FNDC3B: variants seen among roughly 807,000 people sequenced by gnomAD.
The protein encoded by FNDC3B is fibronectin type III domain-containing protein 3B.
In FNDC3B, 12 loss-of-function variants were observed where a neutral mutation model predicts 151.5. The ratio of observed to expected loss-of-function variants is 0.08; its 90% CI spans 0.05 to 0.13. The LOEUF is 0.13. Among genes scored for constraint, FNDC3B ranks in the 10% least tolerant of loss-of-function variants. The pLI is 1.00. For synonymous variants in FNDC3B, 528 were observed against 549.0 expected, an observed-to-expected ratio of 0.96 and a Z score of 0.54; for missense variants, 1,214 against 1,505.3, an observed-to-expected ratio of 0.81 and a Z score of 3.20.
chr3:172,344,161 C>T lies in FNDC3B; in HGVS notation c.2153C>T (p.Ser718Leu), dbSNP rs751943156. 13 of 1,614,022 alleles carry T rather than the reference C, an allele frequency of 8.1e-6. No homozygotes were observed. The highest frequency in any genetic ancestry group is 2.2e-5 in the East Asian group (1 of 44,898). ...VEMTEPEDVA[S>L]EVYHGPELEC... ...ATGACGGAGCCCGAAGACGTAGCCTCGGAAGTGTACCATGGCCCAGAGCTG... is the reference window on the plus strand; with the variant it reads ...ATGACGGAGCCCGAAGACGTAGCCTTGGAAGTGTACCATGGCCCAGAGCTG... The change falls in exon 19 of 26, where the codon TCG becomes TTG. Residue 718 changes from serine to leucine, a missense_variant. By Grantham distance (145) the Ser-to-Leu change is moderately radical (BLOSUM62 -2). Coordinates refer to ENST00000415807, the MANE Select transcript of FNDC3B (RefSeq NM_022763.4).
intron 7 of FNDC3B, 134 bp downstream of exon 7, chr3:172,286,118 T>C (rs1730003710): frequency 1.5e-6 from 1 of 649,054 alleles, no homozygotes; most frequent in African/African-American, 1.9e-5. Flanking sequence ...AACTATGAAA[T>C]AGTGTTCGGT....
chr3:172,170,061 G>A (rs1302251330), intron 3 of FNDC3B, among the ~76,000 whole-genome samples: 1 of 151,824 alleles, frequency 6.6e-6, no homozygotes, highest in South Asian at 2.1e-4. Context: ...TTTTTTGTTT[G>A]TTTAAATTTC....
intron 6 of FNDC3B, among the ~76,000 whole-genome samples, chr3:172,255,521 C>T (rs972377815): frequency 9.2e-5 from 14 of 152,156 alleles, no homozygotes; most frequent in Non-Finnish European, 1.6e-4. Context: ...TCACCCACCT[C>T]GGCCTCCCAA....
At chr3:172,281,219 TTA>T (rs773752687) in intron 6 of FNDC3B, among the ~76,000 whole-genome samples, 16 of 78,714 alleles carry the variant, frequency 2.0e-4, no homozygotes, top group African/African-American at 1.0e-3. Context: ...TTATTTATAT[TTA>T]TTTATTTATT....
intron 4 of FNDC3B, among the ~76,000 whole-genome samples, chr3:172,232,440 GT>G (rs995751207): frequency 1.3e-5 from 2 of 152,284 alleles, no homozygotes; most frequent in African/African-American, 4.8e-5. Flanking sequence ...CACGAGCTTT[GT>G]TTTCTTAGGT....
intron 1 of FNDC3B, among the ~76,000 whole-genome samples, chr3:172,084,266 T>C (rs1434891504): frequency 6.6e-6 from 1 of 152,006 alleles, no homozygotes; most frequent in African/African-American, 2.4e-5. Flanking sequence ...CTGGACAATG[T>C]TGCAAAACCC....
chr3:172,139,223 T>G (rs998249471), intron 3 of FNDC3B, among the ~76,000 whole-genome samples: 10 of 152,210 alleles, frequency 6.6e-5, no homozygotes, highest in Non-Finnish European at 1.3e-4. Context: ...TAGACTTGTT[T>G]GGCACACTAA....
chr3:172,167,084 G>A lies in FNDC3B; in HGVS notation c.187+33538G>A, dbSNP rs184073424. ...GGAAACCAGAGCTCTTAAATATTGC[G>A]TTGTTTGTACTCTAGAATATACACT... On this transcript the variant is annotated intron_variant, in intron 3 of 25. Coordinates refer to ENST00000415807, the MANE Select transcript of FNDC3B (RefSeq NM_022763.4). Among the ~76,000 whole-genome samples the A allele has an allele frequency of 3.7e-4, 56 of 152,132 alleles. 1 individual carries two copies. Among genetic ancestry groups the A allele is most frequent in the Non-Finnish European group, 5.7e-4 (39 of 67,996 alleles).
At chr3:172,206,684 A>AAAAAAG (rs1553772985) in intron 3 of FNDC3B, among the ~76,000 whole-genome samples, 10 of 139,538 alleles carry the variant, frequency 7.2e-5, no homozygotes, top group African/African-American at 1.9e-4. Context: ...AAAAAAAAAA[A>AAAAAAG]AAAGTATATT....
At chr3:172,320,117 C>T (rs941717352) in intron 11 of FNDC3B, among the ~76,000 whole-genome samples, 5 of 152,216 alleles carry the variant, frequency 3.3e-5, no homozygotes, top group Admixed American at 2.0e-4. Flanking sequence ...CAGTGGCTGA[C>T]ACCTGTAACC....
At chr3:172,387,398 C>T (rs1194618067) in intron 25 of FNDC3B, among the ~76,000 whole-genome samples, 3 of 152,128 alleles carry the variant, frequency 2.0e-5, no homozygotes, top group Admixed American at 1.3e-4. Context: ...ATGCCTGTCC[C>T]CTTCATCATA....
chr3:172,059,614 G>C (rs191339645), intron 1 of FNDC3B, among the ~76,000 whole-genome samples: 168 of 152,176 alleles, frequency 1.1e-3, no homozygotes, highest in African/African-American at 3.9e-3. Flanking sequence ...AATTTATCTA[G>C]TATACTTAAA....
At chr3:172,367,960 G>C (rs1734710231) in intron 23 of FNDC3B, among the ~76,000 whole-genome samples, 1 of 152,172 alleles carries the variant, frequency 6.6e-6, no homozygotes, top group African/African-American at 2.4e-5. Context: ...AATTGGAGTG[G>C]CTTTGTCATG....
At chr3:172,267,121 T>G (rs1426057380) in intron 6 of FNDC3B, among the ~76,000 whole-genome samples, 1 of 152,090 alleles carries the variant, frequency 6.6e-6, no homozygotes, top group African/African-American at 2.4e-5. Context: ...CCTCCTCTCT[T>G]TAGAGAAGCA....
intron 1 of FNDC3B, among the ~76,000 whole-genome samples, chr3:172,071,189 T>C (rs1319040088): frequency 6.6e-6 from 1 of 152,208 alleles, no homozygotes; most frequent in African/African-American, 2.4e-5. Context: ...CACACTGTTC[T>C]TCAGTTTTAT....
At chr3:172,307,682 A>G (rs539279942) in intron 10 of FNDC3B, among the ~76,000 whole-genome samples, 181 bp downstream of exon 10, 1 of 152,132 alleles carries the variant, frequency 6.6e-6, no homozygotes, top group Non-Finnish European at 1.5e-5. Context: ...CAACAGAGAA[A>G]GAGTCTCGAG....
chr3:172,092,947 G>T (rs1288627833), intron 1 of FNDC3B, among the ~76,000 whole-genome samples: 3 of 151,850 alleles, frequency 2.0e-5, no homozygotes, highest in African/African-American at 7.3e-5. Flanking sequence ...CTGAGATTGT[G>T]AGCTGAGACT....
rs956934744 is a variant in FNDC3B at position 172,237,267 on chromosome 3, C to A, written c.265-10266C>A. The A allele has an allele frequency of 2.0e-5, 3 of 152,240 alleles. No individual in the cohort carries two copies. In the East Asian group the frequency reaches 5.8e-4, roughly 29 times the overall value. 9.4% of individuals were successfully genotyped at this position (152,240 alleles called of 1,614,324 possible). On this transcript the variant is annotated intron_variant, in intron 4 of 25. Coordinates refer to ENST00000415807, the MANE Select transcript of FNDC3B (RefSeq NM_022763.4). ...GTTAACTGGAGCTAACCCTTCTCCC[C>A]TCAGTCTGTACCTTACCTATTGCCT...
intron 1 of FNDC3B, among the ~76,000 whole-genome samples, chr3:172,096,966 A>G (rs757311037): frequency 6.6e-6 from 1 of 152,214 alleles, no homozygotes; most frequent in Non-Finnish European, 1.5e-5. Flanking sequence ...GCCAGCTCCT[A>G]AGGAAATCTC....
Sources: allele counts gnomAD v4.1 joint callset (sites outside exome capture counted in the v4.1 genomes callset), GRCh38; gene constraint gnomAD v4.1.1; transcripts MANE v1.5; gene names NCBI Gene and HGNC (gene_info 2026-07-23, HGNC 2026-07-21).